The following LEKR1 variants were observed in gnomAD, a reference collection of about 807,000 sequenced individuals.
The protein encoded by LEKR1 is protein LEKR1.
Under a neutral mutation model 72.4 loss-of-function variants are expected in LEKR1, and 59 were observed. The ratio of observed to expected loss-of-function variants is 0.82; its 90% CI spans 0.66 to 1.01. The LOEUF (loss-of-function observed/expected upper bound fraction) is 1.01, where lower values mean the gene tolerates loss of function less well. LEKR1 is among the 50% of genes least tolerant of loss of function. LEKR1 has a pLI of 0.00. For missense variants in LEKR1, 728 were observed against 759.2 expected, an observed-to-expected ratio of 0.96 and a Z score of 0.48; for synonymous variants, 257 against 263.2, an observed-to-expected ratio of 0.98 and a Z score of 0.23.
chr3:157,003,956 A>C (rs1216191943), intron 9 of LEKR1, among the ~76,000 whole-genome samples: 1 of 152,202 alleles, frequency 6.6e-6, no homozygotes, highest in East Asian at 1.9e-4. Flanking sequence ...ATAGGAAAGA[A>C]ATGGCAAAAT....
At chr3:156,904,402 A>G (rs573619962) in intron 3 of LEKR1, among the ~76,000 whole-genome samples, 1 of 150,596 alleles carries the variant, frequency 6.6e-6, no homozygotes, top group East Asian at 1.9e-4. Flanking sequence ...TATAAGCTCT[A>G]TAATACAGAA....
intron 7 of LEKR1, among the ~76,000 whole-genome samples, chr3:156,984,838 C>G (rs1339711363): frequency 6.6e-6 from 1 of 151,746 alleles, no homozygotes; most frequent in Non-Finnish European, 1.5e-5. Flanking sequence ...CAATAGTAAA[C>G]TTTTGACCAT....
At chr3:157,041,593 C>G (rs774479961) in intron 12 of LEKR1, among the ~76,000 whole-genome samples, 2 of 152,082 alleles carry the variant, frequency 1.3e-5, no homozygotes, top group Non-Finnish European at 2.9e-5. Flanking sequence ...CAAGGTGTGC[C>G]TCTCCTTCTC....
intron 3 of LEKR1, among the ~76,000 whole-genome samples, chr3:156,917,968 G>A (rs1723810193): frequency 6.6e-6 from 1 of 152,228 alleles, no homozygotes; most frequent in Admixed American, 6.5e-5. Context: ...ATTATCTGCT[G>A]TGTCTGAAGG....
intron 9 of LEKR1, among the ~76,000 whole-genome samples, chr3:156,999,817 C>G (rs935421779): frequency 2.6e-5 from 4 of 152,186 alleles, no homozygotes; most frequent in African/African-American, 7.2e-5. Context: ...ACTGGTGAAG[C>G]AGGTGTCATT....
At chr3:156,988,548 C>A in intron 7 of LEKR1, 1 of 188,670 alleles carries the variant, frequency 5.3e-6, no homozygotes. Context: ...GCAGCAGCAG[C>A]ATTGTTTTCT....
chr3:157,019,144 T>C (rs1212916393), intron 10 of LEKR1, among the ~76,000 whole-genome samples: 2 of 152,314 alleles, frequency 1.3e-5, no homozygotes, highest in African/African-American at 2.4e-5. Flanking sequence ...GCATATCAAA[T>C]ATAAGCAAAT....
chr3:156,992,879 A>G (rs1455361576), intron 8 of LEKR1, 149 bp downstream of exon 8: 1 of 402,622 alleles, frequency 2.5e-6, no homozygotes, highest in Non-Finnish European at 4.3e-6. Flanking sequence ...ATTATCTTGC[A>G]GTTGGTTATT....
At chr3:156,869,475 CCTGTTAT>C (rs1350873520) in intron 3 of LEKR1, among the ~76,000 whole-genome samples, 2 of 151,884 alleles carry the variant, frequency 1.3e-5, no homozygotes, top group African/African-American at 2.4e-5. Context: ...TTTTCTTATA[CCTGTTAT>C]CTATTTGTAT....
chr3:157,037,121 C>T (rs2108044360), intron 12 of LEKR1, among the ~76,000 whole-genome samples: 1 of 152,252 alleles, frequency 6.6e-6, no homozygotes, highest in Admixed American at 6.5e-5. Flanking sequence ...GCTGAACCCT[C>T]ATCTTCCATT....
At chr3:156,955,989 T>C (rs1727596816) in intron 6 of LEKR1, among the ~76,000 whole-genome samples, 1 of 151,898 alleles carries the variant, frequency 6.6e-6, no homozygotes, top group South Asian at 2.1e-4. Flanking sequence ...AGCTTACATT[T>C]TCAAAAAGAA....
chr3:156,854,198 C>T (rs1715746415), intron 3 of LEKR1, among the ~76,000 whole-genome samples: 2 of 131,798 alleles, frequency 1.5e-5, no homozygotes, highest in African/African-American at 5.9e-5. Context: ...GGCTGGAGTG[C>T]AGTGTCGTGA....
rs150686576 is a variant in LEKR1, at chr3:157,045,467, C to T, written c.1796C>T (p.Pro599Leu). The change falls in exon 13 of 13, where the codon CCG (proline) becomes CTG (leucine). Residue 599 changes from proline (P) to leucine (L), a missense_variant. Transcript: ENST00000356539. Reference protein sequence around the residue: ...SKLRGSLPFSPCSLSKGSLTS... With the variant: ...SKLRGSLPFSLCSLSKGSLTS... ...CTTCGTGGAAGTTTACCATTCTCAC[C>T]GTGTTCCCTCAGCAAGGGCAGCCTA... is the stretch of plus-strand genomic sequence containing the variant. 9 of 1,613,990 alleles carry T rather than the reference C, an allele frequency of 5.6e-6. No homozygotes were observed. In the African/African-American group the frequency reaches 9.3e-5, roughly 17 times the overall value.
chr3:157,041,006 A>T (rs988019005), intron 12 of LEKR1, among the ~76,000 whole-genome samples: 4 of 152,208 alleles, frequency 2.6e-5, no homozygotes, highest in African/African-American at 9.6e-5. Flanking sequence ...AACCACTCTT[A>T]TATTGCAAGG....
rs1725674901 is a variant in LEKR1 at position 156,936,081 on chromosome 3, C to G, written c.560-6448C>G. ...CCTGTTAATGTGTATTTCTAGTTGTCTTTATTATTTAATTCATCTTTTACT... is the reference window on the plus strand; with the variant it reads ...CCTGTTAATGTGTATTTCTAGTTGTGTTTATTATTTAATTCATCTTTTACT... On this transcript the variant is annotated intron_variant, in intron 5 of 12. Coordinates refer to ENST00000356539, the MANE Select transcript of LEKR1 (RefSeq NM_001004316.3). 2.6e-5 allele frequency among the ~76,000 whole-genome samples: 4 copies of G among 152,086 alleles called. No homozygotes were observed. The East Asian group carries it at 7.7e-4, about 29-fold the overall frequency.
At chr3:156,933,530 A>T (rs1725435445) in intron 5 of LEKR1, among the ~76,000 whole-genome samples, 1 of 152,196 alleles carries the variant, frequency 6.6e-6, no homozygotes, top group Admixed American at 6.5e-5. Flanking sequence ...ATATGAATGT[A>T]CATGTAAAAT....
chr3:156,928,666 AG>A (rs1256049155), intron 5 of LEKR1, among the ~76,000 whole-genome samples: 8 of 152,110 alleles, frequency 5.3e-5, no homozygotes, highest in Admixed American at 5.2e-4. Context: ...TGAAAGCCAG[AG>A]AAAGAGAGCT....
At chr3:156,920,483 C>A in intron 3 of LEKR1, 92 bp from the exon 4 acceptor site, 1 of 771,220 alleles carries the variant, frequency 1.3e-6, no homozygotes, top group Non-Finnish European at 2.0e-6. Flanking sequence ...TCTTCTTCTA[C>A]TCCTTTTTAT....
In LEKR1 at chr3:157,011,430, C is replaced by T. The variant is rs1284696106; in HGVS notation, c.1127C>T (p.Ser376Leu). The change falls in exon 10 of 13, where the codon TCA becomes TTA. Residue 376 changes from serine (S) to leucine (L), a missense_variant. Coordinates refer to ENST00000356539, the MANE Select transcript of LEKR1 (RefSeq NM_001004316.3). ...LKNERELMLI[S>L]HQKSIEQLQE... ...ATTTTCAGGGAATTGATGCTGATTTCACATCAGAAAAGCATCGAGCAGCTG... is the reference window on the plus strand; with the variant it reads ...ATTTTCAGGGAATTGATGCTGATTTTACATCAGAAAAGCATCGAGCAGCTG... The T allele has an allele frequency of 6.2e-7, 1 of 1,612,448 alleles. No homozygotes were observed. Among genetic ancestry groups the T allele is most frequent in the South Asian group, 1.1e-5 (1 of 91,008 alleles).
Sources: gnomAD v4.1 joint callset for allele counts (sites outside exome capture counted in the v4.1 genomes callset) on GRCh38, gnomAD v4.1.1 for gene constraint, MANE v1.5 for transcripts, NCBI Gene and HGNC (gene_info 2026-07-23, HGNC 2026-07-21) for gene names.